The following MAGI1 variants were observed in gnomAD, a reference collection of about 807,000 sequenced individuals.
MAGI1 encodes membrane-associated guanylate kinase, WW and PDZ domain-containing protein 1.
MAGI1 carries 58 observed loss-of-function variants against 139.9 expected under a neutral mutation model. That is an observed-to-expected ratio of 0.41 (90% CI 0.34 to 0.52). The LOEUF is 0.52. Among genes scored for constraint, MAGI1 ranks in the 20% least tolerant of loss-of-function variants. The pLI, the probability that MAGI1 is intolerant of heterozygous loss-of-function variation, is 0.12. For synonymous variants in MAGI1, 812 were observed against 737.9 expected, an observed-to-expected ratio of 1.10 and a Z score of -1.63; for missense variants, 1,874 against 1,901.6, an observed-to-expected ratio of 0.99 and a Z score of 0.27.
intron 5 of MAGI1, among the ~76,000 whole-genome samples, chr3:65,453,924 A>G (rs554463256): frequency 1.3e-5 from 2 of 152,326 alleles, no homozygotes; most frequent in South Asian, 4.1e-4. Flanking sequence ...TAGAATCTGG[A>G]CCAAGGATAA....
At chr3:65,879,902 C>G (rs2060257299) in intron 1 of MAGI1, among the ~76,000 whole-genome samples, 1 of 152,184 alleles carries the variant, frequency 6.6e-6, no homozygotes, top group South Asian at 2.1e-4. Context: ...ACAGTCTCTC[C>G]TCTCCCCTTG....
chr3:65,854,918 C>A (rs2059321911), intron 1 of MAGI1, among the ~76,000 whole-genome samples: 2 of 152,190 alleles, frequency 1.3e-5, no homozygotes, highest in Non-Finnish European at 2.9e-5. Flanking sequence ...AACAGCATCC[C>A]CTAATCAAGG....
chr3:66,012,569 C>T (rs751470687), intron 1 of MAGI1, among the ~76,000 whole-genome samples: 2 of 152,012 alleles, frequency 1.3e-5, no homozygotes, highest in South Asian at 4.2e-4. Context: ...AGTTTGAGAC[C>T]AGCCTGGCCA....
chr3:65,856,126 A>G (rs1365627062), intron 1 of MAGI1, among the ~76,000 whole-genome samples: 1 of 152,168 alleles, frequency 6.6e-6, no homozygotes, highest in Non-Finnish European at 1.5e-5. Context: ...GTATTTTATT[A>G]TGTTTAATTT....
intron 2 of MAGI1, among the ~76,000 whole-genome samples, chr3:65,500,212 T>A (rs981378473): frequency 3.3e-5 from 5 of 152,210 alleles, no homozygotes; most frequent in African/African-American, 1.2e-4. Flanking sequence ...TTGATTTTAT[T>A]TTTAAACCCC....
chr3:65,814,184 A>T (rs145198599), intron 1 of MAGI1, among the ~76,000 whole-genome samples: 5,439 of 152,224 alleles, frequency 0.036, 132 homozygotes, highest in Middle Eastern at 0.051. Flanking sequence ...TCTGCCAGAC[A>T]CAGGGTGTCT....
At chr3:65,950,166 A>C (rs1466959604) in intron 1 of MAGI1, among the ~76,000 whole-genome samples, 1 of 147,916 alleles carries the variant, frequency 6.8e-6, no homozygotes, top group African/African-American at 2.5e-5. Flanking sequence ...AATTTTAATC[A>C]AAAGAAACGA....
intron 2 of MAGI1, among the ~76,000 whole-genome samples, chr3:65,543,616 C>G (rs2079352911): frequency 6.6e-6 from 1 of 152,092 alleles, no homozygotes; most frequent in Admixed American, 6.5e-5. Context: ...ATGGATGAAG[C>G]TGGAAACCAT....
At chr3:65,790,822 C>T (rs2039710985) in intron 1 of MAGI1, among the ~76,000 whole-genome samples, 1 of 152,172 alleles carries the variant, frequency 6.6e-6, no homozygotes, top group Non-Finnish European at 1.5e-5. Flanking sequence ...TGCCTGTAAT[C>T]CCAGCACTTT....
chr3:65,609,401 C>T (rs1253448733), intron 2 of MAGI1, among the ~76,000 whole-genome samples: 1 of 151,894 alleles, frequency 6.6e-6, no homozygotes, highest in Non-Finnish European at 1.5e-5. Context: ...CCTCAGCCTC[C>T]CAACTAGCTG....
At chr3:65,982,603 G>A (rs1260850995) in intron 1 of MAGI1, among the ~76,000 whole-genome samples, 2 of 152,166 alleles carry the variant, frequency 1.3e-5, no homozygotes, top group African/African-American at 2.4e-5. Context: ...TGGAGTGACT[G>A]CCATTACGAG....
intron 1 of MAGI1, among the ~76,000 whole-genome samples, chr3:65,997,818 G>A (rs972284326): frequency 6.6e-6 from 1 of 152,110 alleles, no homozygotes; most frequent in East Asian, 1.9e-4. Context: ...TAAGACCCAT[G>A]AGAGCAAGGA....
intron 1 of MAGI1, chr3:65,718,554 T>G (rs1391287162): frequency 6.6e-6 from 1 of 152,192 alleles, no homozygotes; most frequent in Non-Finnish European, 1.5e-5. Flanking sequence ...ATACTAGTAA[T>G]GCATCTTGCC....
intron 1 of MAGI1, among the ~76,000 whole-genome samples, chr3:65,934,098 G>C (rs2062934051): frequency 1.3e-5 from 2 of 152,098 alleles, no homozygotes; most frequent in Admixed American, 6.5e-5. Context: ...TCCAGCCTGG[G>C]CACGACAGAG....
chr3:65,844,316 C>A (rs147910182), intron 1 of MAGI1: 23 of 327,032 alleles, frequency 7.0e-5, no homozygotes, highest in Non-Finnish European at 1.2e-4. Flanking sequence ...TACACGAGCT[C>A]TCCCTGCCAC....
At chr3:65,845,974 G>A (rs79816090) in intron 1 of MAGI1, among the ~76,000 whole-genome samples, 2,291 of 152,152 alleles carry the variant, frequency 0.015, 61 homozygotes, top group African/African-American at 0.052. Flanking sequence ...GTAGACAGCC[G>A]GGCTAAAAAA....
At chr3:65,442,589 A>G (rs896314629) in intron 8 of MAGI1, among the ~76,000 whole-genome samples, 2 of 152,168 alleles carry the variant, frequency 1.3e-5, no homozygotes, top group African/African-American at 4.8e-5. Context: ...GATCCTGCCC[A>G]TGTGAATTTA....
chr3:65,586,755 T>C (rs752546435), intron 2 of MAGI1, among the ~76,000 whole-genome samples: 1 of 151,278 alleles, frequency 6.6e-6, no homozygotes, highest in Non-Finnish European at 1.5e-5. Flanking sequence ...CAATTTCAAA[T>C]TGGCAAGTAA....
At chr3:65,437,520 T>C (rs943906306) in intron 9 of MAGI1, among the ~76,000 whole-genome samples, 13 of 151,812 alleles carry the variant, frequency 8.6e-5, no homozygotes, top group African/African-American at 2.9e-4. Context: ...TTAAAAAATG[T>C]CAGGAAAGAC....
Sources: allele counts gnomAD v4.1 joint callset (sites outside exome capture counted in the v4.1 genomes callset), GRCh38; gene constraint gnomAD v4.1.1; transcripts MANE v1.5; gene names NCBI Gene and HGNC (gene_info 2026-07-23, HGNC 2026-07-21).